Variants in KHDRBS3 observed in about 807,000 individuals in gnomAD.
KHDRBS3 encodes KH domain-containing, RNA-binding, signal transduction-associated protein 3.
Under a neutral mutation model 45.6 loss-of-function variants are expected in KHDRBS3, and 23 were observed. The observed-to-expected ratio is 0.50, with a 90% CI of 0.36 to 0.72. The LOEUF is 0.72. Ranked by LOEUF, KHDRBS3 falls within the 30% of genes least tolerant of loss-of-function variation. KHDRBS3 has a pLI of 0.00. For synonymous variants in KHDRBS3, 162 were observed against 156.5 expected, an observed-to-expected ratio of 1.04 and a Z score of -0.26; for missense variants, 352 against 424.8, an observed-to-expected ratio of 0.83 and a Z score of 1.51.
intron 1 of KHDRBS3, among the ~76,000 whole-genome samples, chr8:135,520,316 C>T (rs1213403155): frequency 2.0e-5 from 3 of 152,168 alleles, no homozygotes; most frequent in African/African-American, 7.2e-5. Context: ...GGTAACAGTA[C>T]TCATTCATTC....
intron 4 of KHDRBS3, among the ~76,000 whole-genome samples, chr8:135,555,832 T>G (rs1826853406): frequency 6.6e-6 from 1 of 152,170 alleles, no homozygotes; most frequent in Non-Finnish European, 1.5e-5. Context: ...GGTGGTTTGC[T>G]GCACCCGTCA....
At chr8:135,620,159 G>A (rs1830078940) in intron 7 of KHDRBS3, among the ~76,000 whole-genome samples, 1 of 150,202 alleles carries the variant, frequency 6.7e-6, no homozygotes, top group South Asian at 2.1e-4. Flanking sequence ...TGCAACCTCC[G>A]CCTCCTTGGC....
Position 135,647,385 on chromosome 8 carries a change from T to C in KHDRBS3, c.*301T>C, listed in dbSNP as rs1202349628. On this transcript the variant is annotated 3_prime_UTR_variant, in exon 9 of 9. Coordinates refer to ENST00000355849, the MANE Select transcript of KHDRBS3 (RefSeq NM_006558.3). ...GTTTACTAAATATGTTAATCTATTC[T>C]TTTAACATAAGCCTCACCTTTCATT... 1 of 194,848 alleles carries C rather than the reference T, an allele frequency of 5.1e-6. No homozygotes were observed. The highest frequency in any genetic ancestry group is 1.1e-4 in the East Asian group (1 of 8,944). 12.1% of individuals were successfully genotyped at this position (194,848 alleles called of 1,614,324 possible).
intron 1 of KHDRBS3, among the ~76,000 whole-genome samples, chr8:135,483,198 G>T (rs1822673564): frequency 6.6e-6 from 1 of 152,218 alleles, no homozygotes; most frequent in South Asian, 2.1e-4. Context: ...GCAACTGGCT[G>T]ATATTTGAAA....
At chr8:135,622,678 C>T (rs1830196917) in intron 7 of KHDRBS3, among the ~76,000 whole-genome samples, 1 of 152,120 alleles carries the variant, frequency 6.6e-6, no homozygotes. Flanking sequence ...GCTGTAAAAA[C>T]AAATGCAAGA....
chr8:135,582,136 G>A, intron 6 of KHDRBS3, 63 bp downstream of exon 6: 1 of 1,410,566 alleles, frequency 7.1e-7, no homozygotes, highest in Non-Finnish European at 9.3e-7. Context: ...ACTTAGCACT[G>A]GATATTGTAC....
chr8:135,507,196 C>T (rs922927716), intron 1 of KHDRBS3, among the ~76,000 whole-genome samples: 1 of 152,084 alleles, frequency 6.6e-6, no homozygotes, highest in African/African-American at 2.4e-5. Flanking sequence ...TGTTATTAGT[C>T]TTAGTGTTAG....
intron 5 of KHDRBS3, among the ~76,000 whole-genome samples, chr8:135,563,373 G>A (rs1014946916): frequency 6.6e-6 from 1 of 152,102 alleles, no homozygotes; most frequent in South Asian, 2.1e-4. Context: ...GTGTCTGGCC[G>A]CCTCCCTCTC....
chr8:135,636,469 G>C (rs1401560634), intron 7 of KHDRBS3, among the ~76,000 whole-genome samples: 4 of 152,188 alleles, frequency 2.6e-5, no homozygotes, highest in Non-Finnish European at 4.4e-5. Context: ...AGTATAGTGA[G>C]AAAGACACAT....
chr8:135,607,697 C>T (rs1829527184), intron 7 of KHDRBS3, among the ~76,000 whole-genome samples: 1 of 152,046 alleles, frequency 6.6e-6, no homozygotes, highest in African/African-American at 2.4e-5. Flanking sequence ...GTTTAAAATT[C>T]TAAGTGGAAG....
chr8:135,492,998 C>A (rs1436567889), intron 1 of KHDRBS3, among the ~76,000 whole-genome samples: 1 of 151,954 alleles, frequency 6.6e-6, no homozygotes, highest in Non-Finnish European at 1.5e-5. Context: ...TTTCTACCAG[C>A]AATGTTTTGT....
At position 135,572,467 on chromosome 8, in the gene KHDRBS3, GT is replaced by G. The variant is rs111466280; in HGVS notation, c.612-9401del. Reference sequence around the variant, plus strand: ...GGATAAGGAAGCAGTTGCTCAATTAGTTTTTTTTTTAATTGCATTGAAGATT... The same window carrying G: ...GGATAAGGAAGCAGTTGCTCAATTAGTTTTTTTTTAATTGCATTGAAGATT... On this transcript the variant is annotated intron_variant, in intron 5 of 8. Transcript: ENST00000355849. Among the ~76,000 whole-genome samples, 18 of 149,444 alleles carry G rather than the reference GT, an allele frequency of 1.2e-4. No individual in the cohort carries two copies. The East Asian group carries it at 1.8e-3, about 15-fold the overall frequency.
chr8:135,580,256 G>T (rs1266790932), intron 5 of KHDRBS3, among the ~76,000 whole-genome samples: 1 of 152,164 alleles, frequency 6.6e-6, no homozygotes, highest in Non-Finnish European at 1.5e-5. Flanking sequence ...CCAATGACCA[G>T]CCCCACAGAT....
At chr8:135,572,611 T>C (rs1827756388) in intron 5 of KHDRBS3, among the ~76,000 whole-genome samples, 1 of 152,256 alleles carries the variant, frequency 6.6e-6, no homozygotes, top group Admixed American at 6.5e-5. Flanking sequence ...GCAGCAGTGC[T>C]TGAGGGCCTG....
chr8:135,557,418 G>T lies in KHDRBS3; in HGVS notation c.472-30G>T, dbSNP rs747804186. On this transcript the variant is annotated intron_variant, in intron 4 of 8. Transcript: ENST00000355849. ...TATTTTTGCATTTCTAATATGAAGT[G>T]AATTTTGCTATCTTCTGTCTTTTGT... 5 of 1,489,790 alleles carry T rather than the reference G, an allele frequency of 3.4e-6. No individual in the cohort carries two copies. The Admixed American group carries it at 8.0e-5, about 24-fold the overall frequency. The allele number at this position is 1,489,790 out of a possible 1,614,324, so 92.3% of individuals were successfully genotyped here.
intron 5 of KHDRBS3, among the ~76,000 whole-genome samples, chr8:135,564,827 G>A (rs1235673701): frequency 6.6e-6 from 1 of 151,950 alleles, no homozygotes; most frequent in Non-Finnish European, 1.5e-5. Flanking sequence ...ATATCTTTTT[G>A]TTCATTAGCA....
chr8:135,536,999 G>GAAA (rs1375807666), intron 2 of KHDRBS3, among the ~76,000 whole-genome samples: 680 of 29,372 alleles, frequency 0.023, 100 homozygotes, highest in African/African-American at 0.068. Flanking sequence ...AAAAAAAAAG[G>GAAA]AGATGTTTAG....
intron 1 of KHDRBS3, among the ~76,000 whole-genome samples, chr8:135,486,132 G>T (rs560386916): frequency 1.2e-4 from 19 of 152,156 alleles, no homozygotes; most frequent in African/African-American, 4.3e-4. Flanking sequence ...AATGGTTTGA[G>T]AAGCGAAGTA....
chr8:135,648,511 T>C (rs1831365933), downstream of KHDRBS3: 1 of 152,232 alleles, frequency 6.6e-6, no homozygotes, highest in African/African-American at 2.4e-5. Context: ...TCTGTTTATG[T>C]TGAGTAAAAA....
Sources: gnomAD v4.1 joint callset for allele counts (sites outside exome capture counted in the v4.1 genomes callset) on GRCh38, gnomAD v4.1.1 for gene constraint, MANE v1.5 for transcripts, NCBI Gene and HGNC (gene_info 2026-07-23, HGNC 2026-07-21) for gene names.